The following ARID5B variants were observed in gnomAD, a reference collection of about 807,000 sequenced individuals.
The protein encoded by ARID5B is AT-rich interactive domain-containing protein 5B.
ARID5B carries 13 observed loss-of-function variants against 97.2 expected under a neutral mutation model. The observed-to-expected ratio is 0.13, with a 90% CI of 0.09 to 0.21. The LOEUF (loss-of-function observed/expected upper bound fraction) is 0.21, where lower values mean the gene tolerates loss of function less well. Ranked by LOEUF, ARID5B falls within the 10% of genes least tolerant of loss-of-function variation. The pLI, the probability that ARID5B is intolerant of heterozygous loss-of-function variation, is 1.00. For missense variants in ARID5B, 1,210 were observed against 1,465.3 expected (o/e 0.83, Z 2.84); for synonymous variants, 556 against 570.3 (o/e 0.97, Z 0.36).
chr10:61,934,968 G>A (rs890168480), intron 2 of ARID5B, among the ~76,000 whole-genome samples: 1 of 149,750 alleles, frequency 6.7e-6, no homozygotes, highest in African/African-American at 2.5e-5. Flanking sequence ...AGCCGAGATT[G>A]CACCATTGCA....
chr10:62,075,374 G>A (rs964875242), intron 8 of ARID5B, among the ~76,000 whole-genome samples: 1 of 152,204 alleles, frequency 6.6e-6, no homozygotes, highest in Non-Finnish European at 1.5e-5. Context: ...CCTACAGGAT[G>A]CCAAGTTCCA....
intron 8 of ARID5B, among the ~76,000 whole-genome samples, chr10:62,075,203 C>T (rs1840112017): frequency 6.6e-6 from 1 of 152,232 alleles, no homozygotes; most frequent in South Asian, 2.1e-4. Context: ...GACCAGCCCA[C>T]ACTGTTGCTG....
rs1039020639 is a variant in ARID5B, at chr10:62,095,001, A to G, written c.*1971A>G. 7 of 230,442 alleles carry G rather than the reference A, an allele frequency of 3.0e-5. No individual in the cohort carries two copies. The highest frequency in any genetic ancestry group is 5.7e-5 in the Admixed American group (1 of 17,670). 14.3% of individuals were successfully genotyped at this position (230,442 alleles called of 1,614,324 possible). ...TCCATGATATGAAGCCAAATATTCAATGTAACATACTTAATATCCAAAGGT... is the reference window on the plus strand; with the variant it reads ...TCCATGATATGAAGCCAAATATTCAGTGTAACATACTTAATATCCAAAGGT... On this transcript the variant is annotated 3_prime_UTR_variant, in exon 10 of 10. Coordinates refer to ENST00000279873, the MANE Select transcript of ARID5B (RefSeq NM_032199.3).
intron 3 of ARID5B, among the ~76,000 whole-genome samples, chr10:61,954,393 A>C (rs913803335): frequency 1.3e-5 from 2 of 151,768 alleles, no homozygotes; most frequent in Non-Finnish European, 2.9e-5. Context: ...AAATAAAATA[A>C]AATTATATAT....
intron 2 of ARID5B, among the ~76,000 whole-genome samples, chr10:61,921,345 G>A: frequency 6.6e-6 from 1 of 152,194 alleles, no homozygotes; most frequent in East Asian, 1.9e-4. Context: ...CCATCTGAAA[G>A]CTCTGTAGAG....
intron 8 of ARID5B, among the ~76,000 whole-genome samples, chr10:62,084,564 T>A (rs1840256434): frequency 6.6e-6 from 1 of 152,234 alleles, no homozygotes; most frequent in South Asian, 2.1e-4. Flanking sequence ...AAGTTCATAT[T>A]TTTAAGGCTG....
chr10:62,083,494 T>C (rs1266130177), intron 8 of ARID5B, among the ~76,000 whole-genome samples: 1 of 152,114 alleles, frequency 6.6e-6, no homozygotes, highest in Admixed American at 6.5e-5. Flanking sequence ...CCCAATTCTC[T>C]GCTTTCCCTC....
rs529761775 is a variant in ARID5B, at chr10:61,963,670, A to G, written c.502+23262A>G. Among the ~76,000 whole-genome samples the G allele has an allele frequency of 8.0e-4, 122 of 151,948 alleles. 1 individual carries two copies. Among genetic ancestry groups the G allele is most frequent in the Non-Finnish European group, 9.3e-4 (63 of 67,960 alleles). On this transcript the variant is annotated intron_variant, in intron 3 of 9. Coordinates refer to ENST00000279873, the MANE Select transcript of ARID5B (RefSeq NM_032199.3). Reference sequence around the variant, plus strand: ...TGGCCCCACAGAAAGCTCCATGGAAAATGATACATGAGGGTGTTAGTGGGA... The same window carrying G: ...TGGCCCCACAGAAAGCTCCATGGAAGATGATACATGAGGGTGTTAGTGGGA...
intron 4 of ARID5B, among the ~76,000 whole-genome samples, chr10:62,030,733 T>C (rs1309686113): frequency 6.6e-6 from 1 of 152,212 alleles, no homozygotes; most frequent in Non-Finnish European, 1.5e-5. Flanking sequence ...TTCCCCATTT[T>C]TGAAAATGAT....
chr10:62,032,076 C>T (rs942647439), intron 4 of ARID5B, among the ~76,000 whole-genome samples: 2 of 152,116 alleles, frequency 1.3e-5, no homozygotes, highest in African/African-American at 2.4e-5. Context: ...CCTGTAGCCC[C>T]AGCTAATCTG....
chr10:61,954,458 TA>T (rs887022490), intron 3 of ARID5B, among the ~76,000 whole-genome samples: 1 of 152,222 alleles, frequency 6.6e-6, no homozygotes, highest in African/African-American at 2.4e-5. Flanking sequence ...ACCTGCTTTT[TA>T]CTTCCTCTGA....
At chr10:62,075,876 G>A (rs574783425) in intron 8 of ARID5B, among the ~76,000 whole-genome samples, 2 of 152,248 alleles carry the variant, frequency 1.3e-5, no homozygotes, top group East Asian at 3.9e-4. Flanking sequence ...TTCTTGGATA[G>A]GATAGATTTG....
At chr10:62,048,529 C>T (rs1387838953) in intron 4 of ARID5B, among the ~76,000 whole-genome samples, 1 of 152,226 alleles carries the variant, frequency 6.6e-6, no homozygotes, top group Non-Finnish European at 1.5e-5. Context: ...GGCTTTTTCT[C>T]TTGATCAAAT....
chr10:61,943,370 T>A lies in ARID5B; in HGVS notation c.502+2962T>A, dbSNP rs890892682. Reference sequence around the variant, plus strand: ...ACCACCTCCAATACCACATTGTTAATGGAAATTCACACACTTATTAGGTTT... The same window carrying A: ...ACCACCTCCAATACCACATTGTTAAAGGAAATTCACACACTTATTAGGTTT... On this transcript the variant is annotated intron_variant, in intron 3 of 9. Coordinates refer to ENST00000279873, the MANE Select transcript of ARID5B (RefSeq NM_032199.3). Among the ~76,000 whole-genome samples, 4 of 152,288 alleles carry A rather than the reference T, an allele frequency of 2.6e-5. No individual in the cohort carries two copies. The East Asian group carries it at 7.7e-4, about 29-fold the overall frequency.
intron 2 of ARID5B, among the ~76,000 whole-genome samples, chr10:61,939,012 G>C (rs1339002787): frequency 7.4e-6 from 1 of 134,842 alleles, no homozygotes. Flanking sequence ...TGTCGGTGGG[G>C]CAGGGGGAGG....
At chr10:61,931,461 A>G (rs905128838) in intron 2 of ARID5B, among the ~76,000 whole-genome samples, 2 of 152,182 alleles carry the variant, frequency 1.3e-5, no homozygotes, top group African/African-American at 4.8e-5. Flanking sequence ...GAGTTCATAG[A>G]TATAATGGCA....
At position 62,095,066 on chromosome 10, in the gene ARID5B, AT is replaced by A. The variant is rs1840448061; in HGVS notation, c.*2039del. ...GTAGAGATCCAGTGTTAAGAGTTCCATTTGCTTCAATTAATTATTTACCTTC... is the reference window on the plus strand; with the variant it reads ...GTAGAGATCCAGTGTTAAGAGTTCCATTGCTTCAATTAATTATTTACCTTC... On this transcript the variant is annotated 3_prime_UTR_variant, in exon 10 of 10. Transcript: ENST00000279873. 1 of 229,242 alleles carries A rather than the reference AT, an allele frequency of 4.4e-6. No homozygotes were observed. Among genetic ancestry groups the A allele is most frequent in the African/African-American group, 2.2e-5 (1 of 45,162 alleles). 14.2% of individuals were successfully genotyped at this position (229,242 alleles called of 1,614,324 possible).
In ARID5B at chr10:61,947,261, C is replaced by CTTTTTTTT. The variant is rs199587188; in HGVS notation, c.502+6871_502+6878dup. On this transcript the variant is annotated intron_variant, in intron 3 of 9. Transcript: ENST00000279873. ...ACCAGTATATCTTCTCACTTACTTT[C>CTTTTTTTT]TTTTTTTTTTTTTTTTTTTTTTTTT... Among the ~76,000 whole-genome samples the CTTTTTTTT allele has an allele frequency of 4.7e-3, 582 of 124,132 alleles. 17 individuals carry two copies. Among genetic ancestry groups the CTTTTTTTT allele is most frequent in the East Asian group, 7.0e-3 (29 of 4,134 alleles). The allele number at this position is 124,132 out of a possible 152,430, so 81.4% of individuals were successfully genotyped here. A position where few individuals can be genotyped will look rare whatever the true frequency, so the allele number is the denominator to read the frequency against.
At chr10:62,042,522 G>C (rs182399346) in intron 4 of ARID5B, among the ~76,000 whole-genome samples, 5 of 152,142 alleles carry the variant, frequency 3.3e-5, no homozygotes, top group African/African-American at 4.8e-5. Context: ...GACCCTTTGC[G>C]TGCAGTATCA....
Sources: allele counts gnomAD v4.1 joint callset (sites outside exome capture counted in the v4.1 genomes callset), GRCh38; gene constraint gnomAD v4.1.1; transcripts MANE v1.5; gene names NCBI Gene and HGNC (gene_info 2026-07-23, HGNC 2026-07-21).